Variants in PRIM2 observed in about 807,000 individuals in gnomAD.
PRIM2 encodes DNA primase large subunit.
A neutral mutation model predicts 67.3 loss-of-function variants in PRIM2; 39 were observed. The ratio of observed to expected loss-of-function variants is 0.58; its 90% CI spans 0.45 to 0.76. The LOEUF (loss-of-function observed/expected upper bound fraction) is 0.76, where lower values mean the gene tolerates loss of function less well. Among genes scored for constraint, PRIM2 ranks in the 30% least tolerant of loss-of-function variants. PRIM2 has a pLI of 0.00. For synonymous variants in PRIM2, 143 were observed against 198.7 expected (o/e 0.72, Z 2.36); for missense variants, 398 against 598.7 (o/e 0.66, Z 3.50).
Position 57,339,515 on chromosome 6 carries a change from T to C in PRIM2, c.459+13470T>C, listed in dbSNP as rs573206911. ...ACTGGTACCAAAACAGAGATATAGATCAATGGAACAGAACAGAGCCCTCAG... is the reference window on the plus strand; with the variant it reads ...ACTGGTACCAAAACAGAGATATAGACCAATGGAACAGAACAGAGCCCTCAG... On this transcript the variant is annotated intron_variant, in intron 5 of 13. Transcript: ENST00000615550. Among the ~76,000 whole-genome samples, 1,459 of 152,034 alleles carry C rather than the reference T, an allele frequency of 9.6e-3. 24 individuals are homozygous for C. Among genetic ancestry groups the C allele is most frequent in the African/African-American group, 0.033 (1,386 of 41,442 alleles).
the PRIM2 span, among the ~76,000 whole-genome samples, chr6:57,293,840 G>GT: frequency 6.6e-6 from 1 of 150,758 alleles, no homozygotes; most frequent in Non-Finnish European, 1.5e-5. Context: ...CTGTTGGGGG[G>GT]TGGGGGTCTG....
In PRIM2 at chr6:57,640,959, A is replaced by G. The variant is rs1322837174; in HGVS notation, c.1300-4969A>G. Among the ~76,000 whole-genome samples, 19 of 151,492 alleles carry G rather than the reference A, an allele frequency of 1.3e-4. No homozygotes were observed. The East Asian group carries it at 3.7e-3, about 30-fold the overall frequency. On this transcript the variant is annotated intron_variant, in intron 13 of 13. Transcript: ENST00000615550. ...AAAAAAACAAAAAAAAAACAACGCTAGAGGCATCACGCTACCTGACTTCAA... is the reference window on the plus strand; with the variant it reads ...AAAAAAACAAAAAAAAAACAACGCTGGAGGCATCACGCTACCTGACTTCAA...
At chr6:57,401,419 T>C (rs1770704313) in intron 7 of PRIM2, among the ~76,000 whole-genome samples, 1 of 152,144 alleles carries the variant, frequency 6.6e-6, no homozygotes, top group African/African-American at 2.4e-5. Flanking sequence ...TGGGGTGTGA[T>C]GCGGTAGGTG....
At chr6:57,459,480 C>A (rs1772924350) in intron 7 of PRIM2, among the ~76,000 whole-genome samples, 1 of 152,160 alleles carries the variant, frequency 6.6e-6, no homozygotes, top group Non-Finnish European at 1.5e-5. Flanking sequence ...TATAACTGAT[C>A]TTTTTCACAA....
At chr6:57,332,557 A>T (rs924008538) in intron 5 of PRIM2, among the ~76,000 whole-genome samples, 1 of 152,198 alleles carries the variant, frequency 6.6e-6, no homozygotes, top group East Asian at 1.9e-4. Context: ...TGTTAGTTGC[A>T]TATATGTTTA....
intron 7 of PRIM2, among the ~76,000 whole-genome samples, chr6:57,495,482 G>A: frequency 6.6e-6 from 1 of 152,302 alleles, no homozygotes; most frequent in Middle Eastern, 3.4e-3. Context: ...ACTTTCTGCA[G>A]CATCTGTTAA....
intron 7 of PRIM2, among the ~76,000 whole-genome samples, chr6:57,427,578 A>G (rs1218400117): frequency 6.6e-6 from 1 of 152,222 alleles, no homozygotes; most frequent in Non-Finnish European, 1.5e-5. Flanking sequence ...TCGGCCTCCC[A>G]AAGTGCTGGG....
the PRIM2 span, among the ~76,000 whole-genome samples, chr6:57,301,518 G>T: frequency 1.3e-5 from 2 of 151,882 alleles, no homozygotes; most frequent in East Asian, 1.9e-4. Flanking sequence ...AAGAATAGGA[G>T]AGTCTGGGTG....
intron 5 of PRIM2, among the ~76,000 whole-genome samples, chr6:57,369,995 C>T (rs928065227): frequency 6.6e-6 from 1 of 152,160 alleles, no homozygotes; most frequent in Non-Finnish European, 1.5e-5. Context: ...TTATTTAATC[C>T]CAAGAAAAGC....
At position 57,445,574 on chromosome 6, in the gene PRIM2, C is replaced by A. The variant is rs567214858; in HGVS notation, c.694-61813C>A. ...TGTTGCCCTGGGCCTGTGCACACCC[C>A]CAACCCTTTCTCACTGCCCTGTGTC... is the stretch of plus-strand genomic sequence containing the variant. On this transcript the variant is annotated intron_variant, in intron 7 of 13. Coordinates refer to ENST00000615550, the MANE Select transcript of PRIM2 (RefSeq NM_000947.5). Among the ~76,000 whole-genome samples, 84 of 152,278 alleles carry A rather than the reference C, an allele frequency of 5.5e-4. 3 individuals are homozygous for A. The South Asian group carries it at 0.017, about 32-fold the overall frequency.
At chr6:57,418,215 A>C (rs1771334748) in intron 7 of PRIM2, among the ~76,000 whole-genome samples, 1 of 152,042 alleles carries the variant, frequency 6.6e-6, no homozygotes, top group Non-Finnish European at 1.5e-5. Flanking sequence ...AGAGGACCAC[A>C]AAATGTAGGG....
intron 7 of PRIM2, among the ~76,000 whole-genome samples, chr6:57,425,875 A>G (rs1771607070): frequency 1.3e-5 from 2 of 152,098 alleles, no homozygotes; most frequent in Non-Finnish European, 2.9e-5. Context: ...ATAGGTGGAA[A>G]CTCAGAATTT....
chr6:57,527,929 CTTCT>C (rs1226360275), intron 8 of PRIM2, among the ~76,000 whole-genome samples: 6 of 151,986 alleles, frequency 3.9e-5, no homozygotes, highest in Non-Finnish European at 5.9e-5. Context: ...GGCTGGTGGC[CTTCT>C]TTCTATTACG....
At chr6:57,370,684 T>C (rs1192120714) in intron 5 of PRIM2, among the ~76,000 whole-genome samples, 1 of 149,880 alleles carries the variant, frequency 6.7e-6, no homozygotes, top group Non-Finnish European at 1.5e-5. Flanking sequence ...CTTAGAATTC[T>C]ATCTATAGCT....
At chr6:57,234,183 G>C in the PRIM2 span, among the ~76,000 whole-genome samples, 2 of 152,032 alleles carry the variant, frequency 1.3e-5, no homozygotes, top group African/African-American at 4.8e-5. Flanking sequence ...TTGGGTGTCT[G>C]GATTCACTGA....
chr6:57,550,875 A>C (rs1270778091), intron 10 of PRIM2, among the ~76,000 whole-genome samples: 21,838 of 151,966 alleles, frequency 0.14, 2,458 homozygotes, highest in African/African-American at 0.32. Flanking sequence ...TATAAGCTCC[A>C]AAATGGGTCA....
chr6:57,250,904 T>C, the PRIM2 span, among the ~76,000 whole-genome samples: 3 of 152,186 alleles, frequency 2.0e-5, no homozygotes, highest in Non-Finnish European at 4.4e-5. Flanking sequence ...AAATGCTCAC[T>C]GCAGCATGTC....
chr6:57,403,785 G>A (rs1236327247), intron 7 of PRIM2, among the ~76,000 whole-genome samples: 9 of 152,080 alleles, frequency 5.9e-5, no homozygotes, highest in African/African-American at 2.2e-4. Context: ...TTATTTGTGT[G>A]CTATCTTGCC....
chr6:57,367,901 C>T (rs1769417169), intron 5 of PRIM2, among the ~76,000 whole-genome samples: 1 of 152,182 alleles, frequency 6.6e-6, no homozygotes, highest in South Asian at 2.1e-4. Context: ...CAGGCCAGGC[C>T]AGATTCAAGG....
Sources: allele counts gnomAD v4.1 joint callset (sites outside exome capture counted in the v4.1 genomes callset), GRCh38; gene constraint gnomAD v4.1.1; transcripts MANE v1.5; gene names NCBI Gene and HGNC (gene_info 2026-07-23, HGNC 2026-07-21).